DGKB: variants seen among roughly 807,000 people sequenced by gnomAD.
The protein encoded by DGKB is 90 kDa diacylglycerol kinase.
DGKB carries 67 observed loss-of-function variants against 114.3 expected under a neutral mutation model. The ratio of observed to expected loss-of-function variants is 0.59; its 90% confidence interval spans 0.48 to 0.72. DGKB has a LOEUF of 0.72. Among genes scored for constraint, DGKB ranks in the 30% least tolerant of loss-of-function variants. The pLI, the probability that DGKB is intolerant of heterozygous loss-of-function variation, is 0.00. For synonymous variants in DGKB, 398 were observed against 323.1 expected, an observed-to-expected ratio of 1.23 and a Z score of -2.49; for missense variants, 907 against 975.2, an observed-to-expected ratio of 0.93 and a Z score of 0.93.
At chr7:14,540,866 A>G (rs1212842696) in intron 20 of DGKB, among the ~76,000 whole-genome samples, 1 of 152,176 alleles carries the variant, frequency 6.6e-6, no homozygotes, top group Non-Finnish European at 1.5e-5. Flanking sequence ...AGACAAACTG[A>G]TCAACACTGT....
At chr7:14,519,873 T>G (rs1789464052) in intron 20 of DGKB, among the ~76,000 whole-genome samples, 1 of 152,022 alleles carries the variant, frequency 6.6e-6, no homozygotes, top group African/African-American at 2.4e-5. Context: ...TCTGTTTAAG[T>G]AATTAGTCTA....
intron 12 of DGKB, among the ~76,000 whole-genome samples, chr7:14,675,486 T>G (rs1819689420): frequency 6.6e-6 from 1 of 152,082 alleles, no homozygotes; most frequent in Non-Finnish European, 1.5e-5. Flanking sequence ...GATAGAATCA[T>G]GCAATAGATG....
intron 23 of DGKB, among the ~76,000 whole-genome samples, chr7:14,207,314 C>T (rs978280575): frequency 1.4e-4 from 21 of 152,054 alleles, no homozygotes; most frequent in African/African-American, 5.1e-4. Context: ...ATGACCTAAG[C>T]TTTGCCAGTC....
rs1781722958 is a variant in DGKB, at chr7:14,148,476, G to C, written c.*655C>G. The C allele has an allele frequency of 6.6e-6, 1 of 152,488 alleles. No homozygotes were observed. The highest frequency in any genetic ancestry group is 1.5e-5 in the Non-Finnish European group (1 of 68,030). 9.4% of individuals were successfully genotyped at this position (152,488 alleles called of 1,614,324 possible). On this transcript the variant is annotated 3_prime_UTR_variant, in exon 26 of 26. Coordinates refer to ENST00000402815, the MANE Select transcript of DGKB (RefSeq NM_001350709.2). ...AGTAACATGTTTTCACTTATTTCTGGAATTAAAAAGAAAACTAAGCAAAAT... is the reference window on the plus strand; with the variant it reads ...AGTAACATGTTTTCACTTATTTCTGCAATTAAAAAGAAAACTAAGCAAAAT...
intron 25 of DGKB, among the ~76,000 whole-genome samples, chr7:14,157,882 T>C (rs1783264423): frequency 6.6e-6 from 1 of 152,196 alleles, no homozygotes; most frequent in African/African-American, 2.4e-5. Flanking sequence ...AAACACTTCT[T>C]TTCTTAACTA....
At chr7:14,941,003 T>G (rs966776913) in intron 1 of DGKB, among the ~76,000 whole-genome samples, 1 of 152,076 alleles carries the variant, frequency 6.6e-6, no homozygotes, top group Non-Finnish European at 1.5e-5. Context: ...TATAAATGTA[T>G]TATTGAATTG....
intron 23 of DGKB, among the ~76,000 whole-genome samples, chr7:14,232,614 G>A (rs745940368): frequency 1.3e-5 from 2 of 151,748 alleles, no homozygotes; most frequent in African/African-American, 2.4e-5. Context: ...ACTACCTAGC[G>A]TATAGCATGC....
intron 25 of DGKB, among the ~76,000 whole-genome samples, chr7:14,167,649 T>C (rs932297204): frequency 2.6e-5 from 4 of 152,068 alleles, no homozygotes; most frequent in Non-Finnish European, 5.9e-5. Context: ...CATTTGGGGG[T>C]ATATCATCAC....
chr7:14,359,604 T>C (rs929994904), intron 21 of DGKB, among the ~76,000 whole-genome samples: 1 of 151,970 alleles, frequency 6.6e-6, no homozygotes, highest in African/African-American at 2.4e-5. Context: ...TACAAAGAAC[T>C]TAAAGAAATT....
intron 14 of DGKB, among the ~76,000 whole-genome samples, chr7:14,624,478 G>A (rs937718486): frequency 2.0e-5 from 3 of 152,112 alleles, no homozygotes; most frequent in Non-Finnish European, 4.4e-5. Flanking sequence ...TGTTTTAATG[G>A]AAATTTAAGA....
intron 23 of DGKB, among the ~76,000 whole-genome samples, chr7:14,314,263 C>T (rs560863457): frequency 1.3e-4 from 19 of 151,828 alleles, no homozygotes; most frequent in Middle Eastern, 3.4e-3. Context: ...TCACCAGCAA[C>T]GGAACAAAGC....
intron 23 of DGKB, among the ~76,000 whole-genome samples, chr7:14,220,476 A>G (rs1789758959): frequency 6.6e-6 from 1 of 151,560 alleles, no homozygotes; most frequent in South Asian, 2.1e-4. Flanking sequence ...TGCTATATAT[A>G]TATATATGTC....
At chr7:14,150,250 C>T (rs1290741816) in intron 25 of DGKB, among the ~76,000 whole-genome samples, 1 of 152,098 alleles carries the variant, frequency 6.6e-6, no homozygotes, top group African/African-American at 2.4e-5. Context: ...ACCTGCACAG[C>T]ATTCGCATCA....
intron 20 of DGKB, among the ~76,000 whole-genome samples, chr7:14,495,859 T>C (rs1785230316): frequency 6.6e-6 from 1 of 151,806 alleles, no homozygotes; most frequent in South Asian, 2.1e-4. Flanking sequence ...TTGCGTATTA[T>C]TGACAGAACA....
chr7:14,800,324 G>A (rs964267563), intron 2 of DGKB, among the ~76,000 whole-genome samples: 1 of 152,208 alleles, frequency 6.6e-6, no homozygotes, highest in East Asian at 1.9e-4. Flanking sequence ...TTAATCCTGG[G>A]TGTGTCTGTG....
At chr7:14,269,349 C>T (rs1298785873) in intron 23 of DGKB, 1 of 152,204 alleles carries the variant, frequency 6.6e-6, no homozygotes, top group Non-Finnish European at 1.5e-5. Flanking sequence ...AGCTCCACCA[C>T]TTAATGGAAG....
chr7:14,662,834 C>T (rs141676289), intron 13 of DGKB, among the ~76,000 whole-genome samples: 2 of 151,430 alleles, frequency 1.3e-5, no homozygotes, highest in Admixed American at 6.6e-5. Flanking sequence ...ATAACTGTAT[C>T]ACAGGTTTTT....
chr7:14,780,360 T>C (rs1439350149), intron 2 of DGKB, among the ~76,000 whole-genome samples: 1 of 152,192 alleles, frequency 6.6e-6, no homozygotes, highest in Non-Finnish European at 1.5e-5. Flanking sequence ...AAAAAACACA[T>C]TTCCGTATTT....
chr7:14,473,936 T>C (rs1781793994), intron 21 of DGKB, among the ~76,000 whole-genome samples: 1 of 152,194 alleles, frequency 6.6e-6, no homozygotes, highest in Admixed American at 6.5e-5. Flanking sequence ...TTGCTTTTGA[T>C]TTTGTAGGCT....
Sources: allele counts gnomAD v4.1 joint callset (sites outside exome capture counted in the v4.1 genomes callset), GRCh38; gene constraint gnomAD v4.1.1; transcripts MANE v1.5; gene names NCBI Gene and HGNC (gene_info 2026-07-23, HGNC 2026-07-21).